The following IMPACT variants were observed in gnomAD, a reference collection of about 807,000 sequenced individuals.
IMPACT encodes impact RWD domain protein.
In IMPACT, 35 loss-of-function variants were observed where a neutral mutation model predicts 47.5. The observed-to-expected ratio is 0.74, with a 90% confidence interval of 0.56 to 0.98. The LOEUF (loss-of-function observed/expected upper bound fraction) is 0.98. Among genes scored for constraint, IMPACT ranks in the 50% least tolerant of loss-of-function variants. IMPACT has a pLI of 0.00. For missense variants in IMPACT, 373 were observed against 394.8 expected, an observed-to-expected ratio of 0.94 and a Z score of 0.47; for synonymous variants, 118 against 125.6, an observed-to-expected ratio of 0.94 and a Z score of 0.40.
At chr18:24,440,054 C>T (rs559330055) in intron 5 of IMPACT, among the ~76,000 whole-genome samples, 39 of 152,262 alleles carry the variant, frequency 2.6e-4, no homozygotes, top group Non-Finnish European at 5.0e-4. Context: ...ATTCCTTCCT[C>T]ATTTAGTAAT....
chr18:24,434,929 A>T (rs151197056), intron 4 of IMPACT, among the ~76,000 whole-genome samples: 1 of 144,062 alleles, frequency 6.9e-6, no homozygotes, highest in Non-Finnish European at 1.5e-5. Context: ...TATATATAAA[A>T]GCTAGGATTT....
In IMPACT at chr18:24,449,948, T is replaced by A. The variant is rs139996943; in HGVS notation, c.889T>A (p.Ser297Thr). ...NILVEKNYTN[S>T]PEESSKALGK... is the part of the protein sequence containing the mutation. ...ACTAGTGGAAAAGAACTACACAAAT[T>A]CACCTGTAAGTGGCTCTTCGTACTA... Residue 297 changes from serine to threonine, a missense_variant, in exon 10 of 11, where the codon TCA becomes ACA. Transcript: ENST00000284202. 3.1e-6 allele frequency: 5 copies of A among 1,613,854 alleles called. No individual in the cohort carries two copies. The highest frequency in any genetic ancestry group is 4.2e-6 in the Non-Finnish European group (5 of 1,179,906).
At chr18:24,431,444 G>A (rs1908755899) in intron 4 of IMPACT, among the ~76,000 whole-genome samples, 1 of 152,158 alleles carries the variant, frequency 6.6e-6, no homozygotes, top group Admixed American at 6.5e-5. Context: ...AGGTTATGTT[G>A]AAGATTCTGT....
Position 24,440,573 on chromosome 18 carries a change from A to G in IMPACT, c.445A>G (p.Ser149Gly), listed in dbSNP as rs772769829. 11 of 1,613,432 alleles carry G rather than the reference A, an allele frequency of 6.8e-6. No homozygotes were observed. Among genetic ancestry groups the G allele is most frequent in the Non-Finnish European group, 8.5e-6 (10 of 1,179,632 alleles). Residue 149 changes from serine (S) to glycine (G), a missense_variant, in exon 6 of 11, where the codon AGT becomes GGT. Coordinates refer to ENST00000284202, the MANE Select transcript of IMPACT (RefSeq NM_018439.4). ...TCTCATTTTAGCATGTCAGCCGGAA[A>G]GTTCGCTTAAAGCATTGGATTTTGA... Reference protein sequence around the residue: ...DDLILACQPESSLKALDFDIS... With the variant: ...DDLILACQPEGSLKALDFDIS...
At chr18:24,431,946 C>G (rs1908768994) in intron 4 of IMPACT, among the ~76,000 whole-genome samples, 2 of 152,208 alleles carry the variant, frequency 1.3e-5, no homozygotes, top group Non-Finnish European at 1.5e-5. Context: ...AAATGATCCA[C>G]CCACCTTGGC....
In IMPACT at chr18:24,453,245, C is replaced by T. The variant is rs1336884124; in HGVS notation, c.*2398C>T. ...AGAATTATATCAAACTAATTACAAC[C>T]AAGAAATAATAGTATGAAGCGGATG... On this transcript the variant is annotated 3_prime_UTR_variant, in exon 11 of 11. Coordinates refer to ENST00000284202, the MANE Select transcript of IMPACT (RefSeq NM_018439.4). 1 of 152,090 alleles carries T rather than the reference C, an allele frequency of 6.6e-6. No individual in the cohort carries two copies. Among genetic ancestry groups the T allele is most frequent in the Admixed American group, 6.5e-5 (1 of 15,272 alleles). The allele number at this position is 152,090 out of a possible 1,614,324, so 9.4% of individuals were successfully genotyped here.
intron 3 of IMPACT, chr18:24,429,458 T>G (rs1040201305): frequency 6.6e-6 from 1 of 152,386 alleles, no homozygotes; most frequent in Non-Finnish European, 1.5e-5. Context: ...GTAATATGTA[T>G]AAACCCTTGG....
chr18:24,448,103 G>A lies in IMPACT; in HGVS notation c.679G>A (p.Glu227Lys). The A allele has an allele frequency of 6.8e-6, 11 of 1,608,738 alleles. No homozygotes were observed. Among genetic ancestry groups the A allele is most frequent in the Non-Finnish European group, 9.4e-6 (11 of 1,175,370 alleles). The change falls in exon 9 of 11, where the codon GAG (glutamate) becomes AAG (lysine). Residue 227 changes from glutamate (E) to lysine (K), a missense_variant. Transcript: ENST00000284202. ...TACATGTATTTGCAGAATATATTGT[G>A]AGGATAAACAGACCTTCTTACAGGA... The part of the protein sequence containing the change: ...HNIYAYRIYC[E>K]DKQTFLQDCE...
chr18:24,435,069 G>A (rs1908888841), intron 4 of IMPACT, among the ~76,000 whole-genome samples: 1 of 151,286 alleles, frequency 6.6e-6, no homozygotes, highest in African/African-American at 2.4e-5. Context: ...GACCTCCTGG[G>A]CCCAAGTGAT....
intron 8 of IMPACT, among the ~76,000 whole-genome samples, chr18:24,445,828 A>G (rs1222573878): frequency 6.6e-6 from 1 of 152,096 alleles, no homozygotes; most frequent in Non-Finnish European, 1.5e-5. Flanking sequence ...AATATTTGAG[A>G]TGCCATACTA....
chr18:24,437,448 T>A (rs1434939371), intron 4 of IMPACT, among the ~76,000 whole-genome samples: 3 of 152,200 alleles, frequency 2.0e-5, no homozygotes, highest in Non-Finnish European at 2.9e-5. Context: ...AATATAAAAT[T>A]GTTGAATTGT....
chr18:24,439,610 C>A (rs556912481), intron 5 of IMPACT: 1 of 143,958 alleles, frequency 6.9e-6, no homozygotes, highest in South Asian at 2.2e-4. Flanking sequence ...GCACTCCAGC[C>A]TGGGCGACAG....
chr18:24,429,245 TCTC>T (rs1380129811), intron 3 of IMPACT, among the ~76,000 whole-genome samples: 1 of 152,142 alleles, frequency 6.6e-6, no homozygotes, highest in Non-Finnish European at 1.5e-5. Context: ...CTAACCTAGA[TCTC>T]CTGACCTAGC....
At chr18:24,435,960 T>C (rs1025840005) in intron 4 of IMPACT, among the ~76,000 whole-genome samples, 1 of 151,890 alleles carries the variant, frequency 6.6e-6, no homozygotes, top group African/African-American at 2.4e-5. Context: ...CCAATTAAAG[T>C]TTTCTGTAAA....
At chr18:24,433,184 CTTTTTT>C (rs35543338) in intron 4 of IMPACT, among the ~76,000 whole-genome samples, 9 of 81,100 alleles carry the variant, frequency 1.1e-4, no homozygotes, top group East Asian at 4.4e-4. Context: ...ACTTTTAAAA[CTTTTTT>C]TTTTTTTTTT....
intron 4 of IMPACT, among the ~76,000 whole-genome samples, chr18:24,433,686 T>C (rs1363153607): frequency 1.0e-4 from 11 of 107,554 alleles, no homozygotes; most frequent in Admixed American, 3.0e-4. Context: ...TTTTTTTTTT[T>C]CTGAGACCGA....
intron 4 of IMPACT, among the ~76,000 whole-genome samples, chr18:24,433,293 G>C (rs1224781970): frequency 7.7e-6 from 1 of 130,468 alleles, no homozygotes; most frequent in African/African-American, 2.8e-5. Flanking sequence ...TCTGCCTCCC[G>C]GGTTCACGCC....
chr18:24,426,696 C>A lies in IMPACT; in HGVS notation c.-61C>A, dbSNP rs1159601840. 4.2e-6 allele frequency: 5 copies of A among 1,196,198 alleles called. No individual in the cohort carries two copies. Among genetic ancestry groups the A allele is most frequent in the Non-Finnish European group, 2.1e-6 (2 of 953,238 alleles). The allele number at this position is 1,196,198 out of a possible 1,614,324, so 74.1% of individuals were successfully genotyped here. A position where few individuals can be genotyped will look rare whatever the true frequency, so the allele number is the denominator to read the frequency against. ...GCCAGCTCTCGGCTCGCAGCCGCAG[C>A]GCCCCGCCCCCGCGCTCCGGACCTG... On this transcript the variant is annotated 5_prime_UTR_variant, in exon 1 of 11. Coordinates refer to ENST00000284202, the MANE Select transcript of IMPACT (RefSeq NM_018439.4).
Position 24,434,599 on chromosome 18 carries a change from C to T in IMPACT, c.282-3356C>T, listed in dbSNP as rs569986599. Among the ~76,000 whole-genome samples the T allele has an allele frequency of 3.3e-3, 506 of 151,406 alleles. 3 individuals are homozygous for T. Among genetic ancestry groups the T allele is most frequent in the Non-Finnish European group, 5.4e-3 (367 of 67,822 alleles). Reference sequence around the variant, plus strand: ...ACCAGCCTGACCAATATGGAGAAACCCCATCTCTACAAAATTAGCTGAATG... The same window carrying T: ...ACCAGCCTGACCAATATGGAGAAACTCCATCTCTACAAAATTAGCTGAATG... On this transcript the variant is annotated intron_variant, in intron 4 of 10. Transcript: ENST00000284202.
Sources: gnomAD v4.1 joint callset for allele counts (sites outside exome capture counted in the v4.1 genomes callset) on GRCh38, gnomAD v4.1.1 for gene constraint, MANE v1.5 for transcripts, NCBI Gene and HGNC (gene_info 2026-07-23, HGNC 2026-07-21) for gene names.